The following FSTL5 variants were observed in gnomAD, a reference collection of about 807,000 sequenced individuals.
FSTL5 encodes follistatin like 5, also known as follistatin-related protein 5.
A neutral mutation model predicts 89.1 loss-of-function variants in FSTL5; 62 were observed. The observed-to-expected ratio is 0.70, with a 90% CI of 0.57 to 0.86. The LOEUF is 0.86. FSTL5 is among the 40% of genes least tolerant of loss of function. The pLI, the probability that FSTL5 is intolerant of heterozygous loss-of-function variation, is 0.00. For synonymous variants in FSTL5, 383 were observed against 346.2 expected, an observed-to-expected ratio of 1.11 and a Z score of -1.18; for missense variants, 1,057 against 1,001.6, an observed-to-expected ratio of 1.06 and a Z score of -0.75.
intron 3 of FSTL5, among the ~76,000 whole-genome samples, chr4:161,969,388 A>C (rs1027899560): frequency 4.6e-5 from 7 of 152,206 alleles, no homozygotes; most frequent in Non-Finnish European, 1.0e-4. Flanking sequence ...AAATTAAGAC[A>C]ATATAGGCGA....
intron 3 of FSTL5, among the ~76,000 whole-genome samples, chr4:161,963,258 A>G (rs952662469): frequency 6.6e-6 from 1 of 151,980 alleles, no homozygotes; most frequent in African/African-American, 2.4e-5. Context: ...CTTAAGACAC[A>G]GAAATGTTCT....
chr4:161,642,101 T>C (rs1419332594), intron 7 of FSTL5, among the ~76,000 whole-genome samples: 1 of 152,192 alleles, frequency 6.6e-6, no homozygotes, highest in Non-Finnish European at 1.5e-5. Context: ...ATTCGATATA[T>C]GTGTACATTG....
intron 2 of FSTL5, among the ~76,000 whole-genome samples, chr4:162,082,387 A>T (rs1456078094): frequency 6.6e-6 from 1 of 151,666 alleles, no homozygotes; most frequent in Non-Finnish European, 1.5e-5. Flanking sequence ...TTAAAAGAAG[A>T]TTATATATTT....
intron 12 of FSTL5, among the ~76,000 whole-genome samples, chr4:161,482,315 CA>C (rs112197039): frequency 1.7e-4 from 24 of 143,062 alleles, no homozygotes; most frequent in African/African-American, 2.0e-4. Context: ...GACTCCGTCT[CA>C]AAAAAAAAAA....
chr4:161,759,731 G>A (rs1740716378), intron 5 of FSTL5, among the ~76,000 whole-genome samples, 200 bp from the exon 6 acceptor site: 1 of 152,162 alleles, frequency 6.6e-6, no homozygotes, highest in Admixed American at 6.5e-5. Flanking sequence ...ATGATGTTAA[G>A]ATAGGTAATT....
At chr4:161,966,336 T>TA (rs141835990) in intron 3 of FSTL5, among the ~76,000 whole-genome samples, 5 of 151,978 alleles carry the variant, frequency 3.3e-5, no homozygotes, top group Non-Finnish European at 7.4e-5. Context: ...AGCTAACTAT[T>TA]AAAAAAACAC....
intron 5 of FSTL5, among the ~76,000 whole-genome samples, chr4:161,763,391 A>C (rs376768208): frequency 6.6e-6 from 1 of 152,216 alleles, no homozygotes; most frequent in East Asian, 1.9e-4. Flanking sequence ...TCTCCCAAGT[A>C]TAGAGAGGTA....
intron 4 of FSTL5, among the ~76,000 whole-genome samples, chr4:161,857,524 C>A (rs1217738837): frequency 6.6e-6 from 1 of 152,134 alleles, no homozygotes; most frequent in Non-Finnish European, 1.5e-5. Flanking sequence ...TTTCATGGAG[C>A]TAACTGCTAC....
At chr4:161,526,192 T>C (rs943561835) in intron 10 of FSTL5, among the ~76,000 whole-genome samples, 1 of 152,182 alleles carries the variant, frequency 6.6e-6, no homozygotes, top group Admixed American at 6.5e-5. Context: ...ATAACTTGTA[T>C]GATAATGGTT....
rs185372522 is a variant in FSTL5 at position 161,590,322 on chromosome 4, C to T, written c.895-2747G>A. Among the ~76,000 whole-genome samples, 15 of 152,142 alleles carry T rather than the reference C, an allele frequency of 9.9e-5. No homozygotes were observed. In the East Asian group the frequency reaches 1.6e-3, roughly 16 times the overall value. On this transcript the variant is annotated intron_variant, in intron 7 of 15. Coordinates refer to ENST00000306100, the MANE Select transcript of FSTL5 (RefSeq NM_020116.5). ...TGGGGGCCAAGGCGGGCAGATCACC[C>T]GAGGTCAAGAGTTTGAGACCAGCCC...
chr4:161,470,428 T>C (rs1433690638), intron 13 of FSTL5, among the ~76,000 whole-genome samples: 2 of 152,192 alleles, frequency 1.3e-5, no homozygotes, highest in African/African-American at 2.4e-5. Context: ...AACTTTCTAT[T>C]CCATTCTATT....
chr4:161,552,878 T>TA (rs1297334444), intron 8 of FSTL5, among the ~76,000 whole-genome samples: 1 of 151,666 alleles, frequency 6.6e-6, no homozygotes, highest in Non-Finnish European at 1.5e-5. Context: ...CAGCCTGAAT[T>TA]AAAAAAGTCA....
intron 15 of FSTL5, among the ~76,000 whole-genome samples, chr4:161,409,649 C>T (rs139040351): frequency 0.013 from 1,970 of 152,040 alleles, 28 homozygotes; most frequent in Non-Finnish European, 0.018. Context: ...CAAAGTGCTG[C>T]GATTACAGGC....
At chr4:162,141,669 G>A (rs1732752037) in intron 1 of FSTL5, among the ~76,000 whole-genome samples, 2 of 152,164 alleles carry the variant, frequency 1.3e-5, no homozygotes, top group South Asian at 4.1e-4. Context: ...GGACAAGCAT[G>A]TTTTTGGTGG....
chr4:161,805,523 C>T (rs2126833878), intron 4 of FSTL5, among the ~76,000 whole-genome samples: 1 of 152,170 alleles, frequency 6.6e-6, no homozygotes, highest in Non-Finnish European at 1.5e-5. Flanking sequence ...TATAGAGAAA[C>T]AAGACAAGAA....
chr4:161,512,899 A>G (rs991611857), intron 10 of FSTL5, among the ~76,000 whole-genome samples: 17 of 152,102 alleles, frequency 1.1e-4, no homozygotes, highest in African/African-American at 4.1e-4. Flanking sequence ...ACAATTATCA[A>G]GATTGAATTA....
intron 3 of FSTL5, among the ~76,000 whole-genome samples, chr4:162,027,347 G>C (rs1263060233): frequency 6.6e-6 from 1 of 151,980 alleles, no homozygotes; most frequent in African/African-American, 2.4e-5. Context: ...TTCTTTTATA[G>C]AATTGGTTAA....
chr4:161,991,943 C>A (rs755007366), intron 3 of FSTL5, among the ~76,000 whole-genome samples: 22 of 152,254 alleles, frequency 1.4e-4, no homozygotes, highest in Non-Finnish European at 2.6e-4. Context: ...ATGCTGACAA[C>A]TGGGCAAAGA....
At chr4:161,969,599 A>C (rs1442912010) in intron 3 of FSTL5, among the ~76,000 whole-genome samples, 2 of 152,178 alleles carry the variant, frequency 1.3e-5, no homozygotes, top group African/African-American at 4.8e-5. Context: ...TATATCTCAA[A>C]ATACTAAAAC....
Sources: allele counts gnomAD v4.1 joint callset (sites outside exome capture counted in the v4.1 genomes callset), GRCh38; gene constraint gnomAD v4.1.1; transcripts MANE v1.5; gene names NCBI Gene and HGNC (gene_info 2026-07-23, HGNC 2026-07-21).